Variants in WRN observed in about 807,000 individuals in gnomAD.
WRN encodes WRN RecQ like helicase.
WRN carries 149 observed loss-of-function variants against 180.7 expected under a neutral mutation model. The observed-to-expected ratio is 0.82, with a 90% CI of 0.72 to 0.94. The LOEUF is 0.94. WRN is among the 40% of genes least tolerant of loss of function. The pLI is 0.00. For missense variants in WRN, 1,661 were observed against 1,700.1 expected (o/e 0.98, Z 0.40); for synonymous variants, 548 against 568.9 (o/e 0.96, Z 0.52).
At chr8:31,078,091 T>C (rs990100051) in intron 8 of WRN, among the ~76,000 whole-genome samples, 1 of 152,174 alleles carries the variant, frequency 6.6e-6, no homozygotes. Context: ...CTTAGAGTAA[T>C]GTTATGTGCC....
intron 28 of WRN, among the ~76,000 whole-genome samples, chr8:31,144,113 T>C (rs973828274): frequency 6.6e-6 from 1 of 152,160 alleles, no homozygotes; most frequent in Non-Finnish European, 1.5e-5. Context: ...CTTGCAGATA[T>C]TGCATTTCTT....
intron 21 of WRN, among the ~76,000 whole-genome samples, chr8:31,122,184 A>T (rs1358741971): frequency 6.6e-6 from 1 of 151,992 alleles, no homozygotes; most frequent in Non-Finnish European, 1.5e-5. Flanking sequence ...AATTTTGGGT[A>T]TAGACAGGTT....
At chr8:31,065,745 T>G (rs970946235) in intron 5 of WRN, among the ~76,000 whole-genome samples, 36 of 152,206 alleles carry the variant, frequency 2.4e-4, no homozygotes, top group African/African-American at 8.7e-4. Flanking sequence ...ATATTCCTTT[T>G]GGTATATACC....
chr8:31,172,925 C>A, intron 34 of WRN, 70 bp from the exon 35 acceptor site: 1 of 1,444,330 alleles, frequency 6.9e-7, no homozygotes, highest in Non-Finnish European at 9.7e-7. Context: ...ACTTATGTTA[C>A]TTTTTTGCAA....
At position 31,081,062 on chromosome 8, in the gene WRN, A is replaced by G. The variant is rs1174810702; in HGVS notation, c.1035A>G (p.Glu345=). The G allele has an allele frequency of 8.7e-6, 14 of 1,613,946 alleles. No individual in the cohort carries two copies. The highest frequency in any genetic ancestry group is 1.2e-5 in the Non-Finnish European group (14 of 1,179,966). The change falls in exon 9 of 35, where the codon GAA becomes GAG. Residue 345 remains glutamate (E), a synonymous_variant. Coordinates refer to ENST00000298139, the MANE Select transcript of WRN (RefSeq NM_000553.6). The stretch of plus-strand genomic sequence containing the variant: ...AAGTTTTAATTCACGTTGAAGATGA[A>G]ACATGGGACCCAACACTTGATCATT... ...EHEVLIHVED[E]TWDPTLDHLA...
In WRN at chr8:31,151,605, T is replaced by C. The variant is rs536731210; in HGVS notation, c.3687+1150T>C. ...GGTAATTGAGTAAGTTCCCTCTCTT[T>C]GGACACTTGAAAGTAGTATCTTCTT... On this transcript the variant is annotated intron_variant, in intron 31 of 34. Transcript: ENST00000298139. Among the ~76,000 whole-genome samples the C allele has an allele frequency of 7.2e-5, 11 of 152,338 alleles. No individual in the cohort carries two copies. The East Asian group carries it at 1.9e-3, about 27-fold the overall frequency.
chr8:31,124,646 C>A (rs747609611), intron 22 of WRN, 23 bp downstream of exon 22: 19 of 1,562,090 alleles, frequency 1.2e-5, no homozygotes, highest in Non-Finnish European at 1.7e-5. Flanking sequence ...TATTTTATGC[C>A]AATAGTATGG....
At chr8:31,064,265 T>C in intron 3 of WRN, 24 bp from the exon 4 acceptor site, 1 of 1,613,506 alleles carries the variant, frequency 6.2e-7, no homozygotes, top group Non-Finnish European at 8.5e-7. Flanking sequence ...CATAAATTAA[T>C]TTACACTATT....
chr8:31,071,267 GC>G (rs1285007694), intron 7 of WRN, among the ~76,000 whole-genome samples: 1 of 152,058 alleles, frequency 6.6e-6, no homozygotes, highest in East Asian at 1.9e-4. Flanking sequence ...CCTCCCAAGA[GC>G]AATCGAAGTG....
At chr8:31,160,857 A>G (rs1253762156) in intron 33 of WRN, among the ~76,000 whole-genome samples, 3 of 152,106 alleles carry the variant, frequency 2.0e-5, no homozygotes, top group East Asian at 1.9e-4. Flanking sequence ...GGTGGCACAC[A>G]CCTGTAATCC....
intron 30 of WRN, among the ~76,000 whole-genome samples, chr8:31,149,178 A>T (rs1443551463): frequency 1.3e-5 from 2 of 151,980 alleles, no homozygotes; most frequent in Non-Finnish European, 2.9e-5. Flanking sequence ...CGGGCGGATC[A>T]CGAGGTTAGG....
At chr8:31,161,552 A>T (rs956043190) in intron 33 of WRN, among the ~76,000 whole-genome samples, 33 of 152,124 alleles carry the variant, frequency 2.2e-4, no homozygotes, top group African/African-American at 2.9e-4. Flanking sequence ...AAGATTTTTT[A>T]AAAAAGCTGG....
chr8:31,072,064 T>C (rs1293674525), intron 7 of WRN, among the ~76,000 whole-genome samples: 1 of 152,130 alleles, frequency 6.6e-6, no homozygotes, highest in Non-Finnish European at 1.5e-5. Flanking sequence ...AGAGGACAGT[T>C]TGAGTTAAGA....
At position 31,062,493 on chromosome 8, in the gene WRN, C is replaced by T. The variant is rs145096583; in HGVS notation, c.210-1796C>T. Among the ~76,000 whole-genome samples, 104 of 151,216 alleles carry T rather than the reference C, an allele frequency of 6.9e-4. No homozygotes were observed. The East Asian group carries it at 8.4e-3, about 12-fold the overall frequency. ...TGTGATCTTGGTTCGCTGCAACCTC[C>T]GCCTCTTGGGCTCAAGTGATCCTCC... On this transcript the variant is annotated intron_variant, in intron 3 of 34. Coordinates refer to ENST00000298139, the MANE Select transcript of WRN (RefSeq NM_000553.6).
chr8:31,095,230 ATCT>A, intron 16 of WRN, among the ~76,000 whole-genome samples: 1 of 151,992 alleles, frequency 6.6e-6, no homozygotes, highest in East Asian at 1.9e-4. Flanking sequence ...CCATCTGTAT[ATCT>A]TCTTTGAGGG....
At chr8:31,143,819 T>C (rs2130427842) in intron 28 of WRN, among the ~76,000 whole-genome samples, 196 bp downstream of exon 28, 1 of 152,226 alleles carries the variant, frequency 6.6e-6, no homozygotes, top group South Asian at 2.1e-4. Context: ...ACTTCTTGGA[T>C]ATTACTGTTT....
chr8:31,166,993 T>A, intron 33 of WRN, 29 bp from the exon 34 acceptor site: 2 of 1,585,322 alleles, frequency 1.3e-6, no homozygotes, highest in Non-Finnish European at 1.7e-6. Context: ...GTAATTTATT[T>A]TGAAATGGAG....
At position 31,077,834 on chromosome 8, in the gene WRN, C is replaced by A. The variant is rs1004231334; in HGVS notation, c.839+1547C>A. Reference sequence around the variant, plus strand: ...TGAGGCATATACACAGACTGGGTGTCCTTGGTATCTCTGAAGAACAAAGAG... The same window carrying A: ...TGAGGCATATACACAGACTGGGTGTACTTGGTATCTCTGAAGAACAAAGAG... On this transcript the variant is annotated intron_variant, in intron 8 of 34. Transcript: ENST00000298139. Among the ~76,000 whole-genome samples the A allele has an allele frequency of 7.2e-5, 11 of 152,194 alleles. No homozygotes were observed. The South Asian group carries it at 2.3e-3, about 32-fold the overall frequency.
chr8:31,098,813 A>G (rs986588278), intron 17 of WRN, among the ~76,000 whole-genome samples: 2 of 152,184 alleles, frequency 1.3e-5, no homozygotes, highest in African/African-American at 4.8e-5. Context: ...GCTTGTCTAA[A>G]CTGATTTCCA....
Sources: gnomAD v4.1 joint callset for allele counts (sites outside exome capture counted in the v4.1 genomes callset) on GRCh38, gnomAD v4.1.1 for gene constraint, MANE v1.5 for transcripts, NCBI Gene and HGNC (gene_info 2026-07-23, HGNC 2026-07-21) for gene names.